Variants in PRSS38 observed in about 807,000 individuals in gnomAD.
PRSS38 encodes marapsin 2.
A neutral mutation model predicts 26.8 loss-of-function variants in PRSS38; 22 were observed. The observed-to-expected ratio is 0.82, with a 90% CI of 0.59 to 1.17. The LOEUF is 1.17. Among genes scored for constraint, PRSS38 ranks in the 50% most tolerant of loss-of-function variants. The pLI is 0.00. For synonymous variants in PRSS38, 175 were observed against 172.1 expected, an observed-to-expected ratio of 1.02 and a Z score of -0.13; for missense variants, 427 against 422.7, an observed-to-expected ratio of 1.01 and a Z score of -0.09.
intron 3 of PRSS38, among the ~76,000 whole-genome samples, chr1:227,829,311 T>C (rs1040306272): frequency 1.3e-5 from 2 of 152,170 alleles, no homozygotes; most frequent in African/African-American, 4.8e-5. Flanking sequence ...GTTTTTTGAC[T>C]TTTTAATAAT....
intron 3 of PRSS38, among the ~76,000 whole-genome samples, chr1:227,822,886 T>C (rs911859465): frequency 2.6e-5 from 4 of 152,214 alleles, no homozygotes; most frequent in Non-Finnish European, 4.4e-5. Context: ...TTCCCTCAAG[T>C]ACAGAGGTGC....
intron 3 of PRSS38, among the ~76,000 whole-genome samples, chr1:227,844,442 TCCTC>T (rs1665384535): frequency 6.6e-6 from 1 of 151,392 alleles, no homozygotes. Context: ...GCGGTGAGAC[TCCTC>T]CCTATGTGTA....
Position 227,845,456 on chromosome 1 carries a change from CCCT to C in PRSS38, c.584-8_584-6del. ...AGCAGGTGCTGCCCCCTCACGGGAGCCCTCCTCCCACAGGTGAGACCTCAGACG... is the reference window on the plus strand; with the variant it reads ...AGCAGGTGCTGCCCCCTCACGGGAGCCCTCCCACAGGTGAGACCTCAGACG... On this transcript the variant is annotated splice_polypyrimidine_tract_variant and intron_variant, in intron 3 of 4. Transcript: ENST00000366757. The C allele has an allele frequency of 6.2e-7, 1 of 1,601,890 alleles. No individual in the cohort carries two copies. The highest frequency in any genetic ancestry group is 8.5e-7 in the Non-Finnish European group (1 of 1,175,278).
At chr1:227,839,863 T>C (rs16848158) in intron 3 of PRSS38, among the ~76,000 whole-genome samples, 26,200 of 152,148 alleles carry the variant, frequency 0.17, 4,246 homozygotes, top group African/African-American at 0.43. Flanking sequence ...TTCCGAGGAC[T>C]TAGCACAGGT....
chr1:227,816,260 G>A lies in PRSS38; in HGVS notation c.311+8G>A. 1 of 1,608,172 alleles carries A rather than the reference G, an allele frequency of 6.2e-7. No homozygotes were observed. Among genetic ancestry groups the A allele is most frequent in the Non-Finnish European group, 8.5e-7 (1 of 1,175,526 alleles). ...TGCGCACTGCTTTCACAGGTAAGCG[G>A]GCGCCGGCCTGGGATGGTGTGGGTA... On this transcript the variant is annotated splice_region_variant and intron_variant, in intron 2 of 4. Transcript: ENST00000366757. The surrounding 1 kb of genome is among the most constrained non-coding windows in gnomAD (Gnocchi z 5.1).
chr1:227,821,058 G>T (rs546744756), intron 3 of PRSS38, among the ~76,000 whole-genome samples: 11 of 152,158 alleles, frequency 7.2e-5, no homozygotes, highest in Non-Finnish European at 1.3e-4. Flanking sequence ...GAATCCTGTT[G>T]CAGATAAAAA....
chr1:227,823,294 G>T (rs1387563116), intron 3 of PRSS38, among the ~76,000 whole-genome samples: 1 of 151,358 alleles, frequency 6.6e-6, no homozygotes, highest in Non-Finnish European at 1.5e-5. Flanking sequence ...AGTATTCCAT[G>T]GTGTGTATGA....
At chr1:227,815,765 G>A (rs749955825) in exon 1 of PRSS38, 1 of 1,611,456 alleles carries the variant, frequency 6.2e-7, no homozygotes, top group Non-Finnish European at 8.5e-7. Flanking sequence ...CTCTGCCCTG[G>A]GCCTTCTGCT....
At chr1:227,821,410 G>A (rs191567122) in intron 3 of PRSS38, among the ~76,000 whole-genome samples, 77 of 152,168 alleles carry the variant, frequency 5.1e-4, no homozygotes, top group Admixed American at 3.7e-3. Flanking sequence ...ATATTTGCCC[G>A]TGCATTTACC....
chr1:227,824,109 A>G (rs970688090), intron 3 of PRSS38, among the ~76,000 whole-genome samples: 3 of 152,056 alleles, frequency 2.0e-5, no homozygotes, highest in African/African-American at 4.8e-5. Context: ...CAAGAGGTGC[A>G]GTTTTGTTAT....
At chr1:227,833,744 C>T (rs541681873) in intron 3 of PRSS38, among the ~76,000 whole-genome samples, 22 of 152,318 alleles carry the variant, frequency 1.4e-4, no homozygotes, top group African/African-American at 5.3e-4. Flanking sequence ...TTGTACTAGA[C>T]ATTCACATAC....
chr1:227,823,549 G>A (rs1665031235), intron 3 of PRSS38, among the ~76,000 whole-genome samples: 1 of 152,158 alleles, frequency 6.6e-6, no homozygotes, highest in Non-Finnish European at 1.5e-5. Context: ...AGTAGGAGGT[G>A]TTTGGATCAT....
In PRSS38 at chr1:227,816,047, T is replaced by G; in HGVS notation, c.149-43T>G. ...TCCCCTGCCTGCCCTACCTCTCCCGTGGCCCCAGCATGGCTCCACCGTCAG... is the reference window on the plus strand; with the variant it reads ...TCCCCTGCCTGCCCTACCTCTCCCGGGGCCCCAGCATGGCTCCACCGTCAG... On this transcript the variant is annotated intron_variant, in intron 1 of 4. Transcript: ENST00000366757. The surrounding 1 kb of genome is among the most constrained non-coding windows in gnomAD (Gnocchi z 5.1). 6.3e-7 allele frequency: 1 copy of G among 1,583,802 alleles called. No individual in the cohort carries two copies. Among genetic ancestry groups the G allele is most frequent in the Non-Finnish European group, 8.6e-7 (1 of 1,161,194 alleles).
exon 4 of PRSS38, chr1:227,845,502 C>A: frequency 6.2e-7 from 1 of 1,612,808 alleles, no homozygotes; most frequent in Non-Finnish European, 8.5e-7. Flanking sequence ...GGAGATGCAG[C>A]TCCCGCTGAT....
Position 227,816,619 on chromosome 1 carries a change from G to C in PRSS38, c.311+367G>C, listed in dbSNP as rs1664922178. On this transcript the variant is annotated intron_variant, in intron 2 of 4. Coordinates refer to ENST00000366757, the Ensembl canonical transcript of PRSS38. This position sits in a 1 kb window ranked among gnomAD's most constrained non-coding sequence, Gnocchi z 5.1. ...CATGTGCAAGGCTGGTCCCCTAAGT[G>C]CACGACCAGGTCCCCACGAGTGAGG... Among the ~76,000 whole-genome samples the C allele has an allele frequency of 6.6e-6, 1 of 151,852 alleles. No homozygotes were observed. The highest frequency in any genetic ancestry group is 1.5e-5 in the Non-Finnish European group (1 of 67,974).
At chr1:227,827,066 T>A (rs1409221790) in intron 3 of PRSS38, among the ~76,000 whole-genome samples, 1 of 152,216 alleles carries the variant, frequency 6.6e-6, no homozygotes, top group African/African-American at 2.4e-5. Flanking sequence ...GATGTGCTGC[T>A]GGATTCGGTT....
At chr1:227,846,242 G>A (rs1665429444) in exon 5 of PRSS38, 3 of 1,597,578 alleles carry the variant, frequency 1.9e-6, no homozygotes, top group Non-Finnish European at 1.7e-6. Context: ...TCTCATGGCT[G>A]CACACCCTGC....
At chr1:227,825,436 C>T (rs183697919) in intron 3 of PRSS38, among the ~76,000 whole-genome samples, 9 of 152,248 alleles carry the variant, frequency 5.9e-5, no homozygotes, top group East Asian at 5.8e-4. Context: ...GTGATCTGCC[C>T]GCCTCAGCCT....
At chr1:227,839,811 C>T (rs888085162) in intron 3 of PRSS38, among the ~76,000 whole-genome samples, 3 of 152,090 alleles carry the variant, frequency 2.0e-5, no homozygotes, top group African/African-American at 4.8e-5. Context: ...TTAGAGTCAC[C>T]GTCATCCAGC....
Sources: gnomAD v4.1 joint callset for allele counts (sites outside exome capture counted in the v4.1 genomes callset) on GRCh38, gnomAD v4.1.1 for gene constraint, Gnocchi (gnomAD v3.1) non-coding constraint, MANE v1.5 for transcripts, NCBI Gene and HGNC (gene_info 2026-07-23, HGNC 2026-07-21) for gene names.